RBFOX1: variants seen among roughly 807,000 people sequenced by gnomAD.
RBFOX1 encodes the protein RNA binding fox-1 homolog 1.
Under a neutral mutation model 57.7 loss-of-function variants are expected in RBFOX1, and 8 were observed. That is an observed-to-expected ratio of 0.14 (90% CI 0.08 to 0.25). The LOEUF (loss-of-function observed/expected upper bound fraction) is 0.25. Among genes scored for constraint, RBFOX1 ranks in the 10% least tolerant of loss-of-function variants. RBFOX1 has a pLI of 1.00. For missense variants in RBFOX1, 611 were observed against 548.5 expected, an observed-to-expected ratio of 1.11 and a Z score of -1.14; for synonymous variants, 326 against 222.4, an observed-to-expected ratio of 1.47 and a Z score of -4.15.
At position 6,839,736 on chromosome 16, in the gene RBFOX1, CTA is replaced by C. The variant is rs1303614938; in HGVS notation, c.-16+185089_-16+185090del. On this transcript the variant is annotated intron_variant, in intron 3 of 15. Transcript: ENST00000550418. The stretch of plus-strand genomic sequence containing the variant: ...CACGATTCTTCTTGTAATATGCAAA[CTA>C]TAGAAGAGAAAATTAAGCAGTTGAA... Among the ~76,000 whole-genome samples the C allele has an allele frequency of 2.6e-5, 4 of 152,184 alleles. No individual in the cohort carries two copies. The East Asian group carries it at 7.7e-4, about 29-fold the overall frequency.
intron 2 of RBFOX1, among the ~76,000 whole-genome samples, chr16:5,507,335 A>G (rs546158281): frequency 5.7e-4 from 87 of 152,206 alleles, no homozygotes; most frequent in Admixed American, 1.4e-3. Flanking sequence ...CCCAAGCAGA[A>G]TGCAAGCTCC....
At chr16:5,956,678 A>AT (rs34743228) in intron 4 of RBFOX1, among the ~76,000 whole-genome samples, 16 of 116,482 alleles carry the variant, frequency 1.4e-4, no homozygotes, top group African/African-American at 5.5e-4. Context: ...ATATATATAT[A>AT]TTTTTTTTGA....
At chr16:6,580,363 C>T (rs965509369) in intron 2 of RBFOX1, among the ~76,000 whole-genome samples, 3 of 152,166 alleles carry the variant, frequency 2.0e-5, no homozygotes. Context: ...GGAGTCATAA[C>T]ACACATTTGC....
intron 3 of RBFOX1, among the ~76,000 whole-genome samples, chr16:6,716,385 A>T (rs950004765): frequency 1.3e-5 from 2 of 152,124 alleles, no homozygotes; most frequent in African/African-American, 4.8e-5. Context: ...ATCTAACTGG[A>T]AGGCTGGAAG....
chr16:6,949,913 A>G (rs1187463127), intron 3 of RBFOX1, among the ~76,000 whole-genome samples: 1 of 150,710 alleles, frequency 6.6e-6, no homozygotes, highest in African/African-American at 2.5e-5. Context: ...TCCTCAGCGT[A>G]GGTAGCTCCT....
chr16:5,836,815 G>A (rs1340492429), intron 3 of RBFOX1, among the ~76,000 whole-genome samples: 2 of 152,174 alleles, frequency 1.3e-5, no homozygotes, highest in Non-Finnish European at 2.9e-5. Context: ...GCCTGAAGGG[G>A]AGAAGCACCC....
At chr16:7,615,234 G>C (rs964412559) in intron 10 of RBFOX1, among the ~76,000 whole-genome samples, 2 of 152,164 alleles carry the variant, frequency 1.3e-5, no homozygotes, top group African/African-American at 2.4e-5. Flanking sequence ...TGGGGAGGCT[G>C]AGGCAGGAGA....
intron 1 of RBFOX1, among the ~76,000 whole-genome samples, chr16:6,108,368 GA>G (rs768767025): frequency 4.6e-5 from 7 of 152,088 alleles, no homozygotes; most frequent in Non-Finnish European, 1.0e-4. Flanking sequence ...GTGAAATAGA[GA>G]TACTAACACT....
intron 3 of RBFOX1, among the ~76,000 whole-genome samples, chr16:6,943,091 C>A (rs948305469): frequency 6.6e-6 from 1 of 152,094 alleles, no homozygotes; most frequent in Admixed American, 6.5e-5. Context: ...CAGAGCAGGT[C>A]CCCAGGAGGG....
chr16:6,671,454 A>T (rs1353163896), intron 3 of RBFOX1, among the ~76,000 whole-genome samples: 1 of 152,206 alleles, frequency 6.6e-6, no homozygotes, highest in East Asian at 1.9e-4. Context: ...TTAATTTGAT[A>T]TTTGAACATT....
At chr16:7,431,622 G>T (rs2098681057) in intron 4 of RBFOX1, among the ~76,000 whole-genome samples, 1 of 152,174 alleles carries the variant, frequency 6.6e-6, no homozygotes, top group South Asian at 2.1e-4. Context: ...GATATTTAAT[G>T]CAACCGCCAT....
intron 4 of RBFOX1, among the ~76,000 whole-genome samples, chr16:7,161,768 C>G (rs893023031): frequency 6.6e-6 from 1 of 152,108 alleles, no homozygotes; most frequent in Non-Finnish European, 1.5e-5. Context: ...GAATACAAAC[C>G]AACATTTATA....
At chr16:6,272,744 C>T (rs2075339841) in intron 1 of RBFOX1, among the ~76,000 whole-genome samples, 1 of 152,116 alleles carries the variant, frequency 6.6e-6, no homozygotes, top group African/African-American at 2.4e-5. Context: ...CACATAGATC[C>T]ATTTTAAAAA....
chr16:7,399,198 A>T (rs2098194362), intron 4 of RBFOX1, among the ~76,000 whole-genome samples: 1 of 152,252 alleles, frequency 6.6e-6, no homozygotes, highest in Non-Finnish European at 1.5e-5. Context: ...CTGTTATCCC[A>T]ACATTTTGGG....
At chr16:6,737,823 C>G (rs1338385220) in intron 3 of RBFOX1, among the ~76,000 whole-genome samples, 1 of 152,022 alleles carries the variant, frequency 6.6e-6, no homozygotes, top group Non-Finnish European at 1.5e-5. Flanking sequence ...TAGTTAACTC[C>G]TTTTATTTGG....
chr16:5,956,345 A>G (rs1272505158), intron 4 of RBFOX1, among the ~76,000 whole-genome samples: 4 of 152,128 alleles, frequency 2.6e-5, no homozygotes, highest in African/African-American at 9.7e-5. Flanking sequence ...AACAATGAAT[A>G]AATTTTTAGT....
At chr16:7,115,702 C>T (rs1314839587) in intron 4 of RBFOX1, among the ~76,000 whole-genome samples, 8 of 152,170 alleles carry the variant, frequency 5.3e-5, no homozygotes, top group African/African-American at 1.2e-4. Flanking sequence ...AGAATCCAGT[C>T]GCTTTTATTG....
intron 4 of RBFOX1, among the ~76,000 whole-genome samples, chr16:7,055,396 G>T (rs559535439): frequency 2.3e-4 from 35 of 152,240 alleles, no homozygotes; most frequent in African/African-American, 7.9e-4. Context: ...CCCAGTTCCA[G>T]GGTTGATTCA....
chr16:5,282,953 A>G (rs750186895), intron 1 of RBFOX1, among the ~76,000 whole-genome samples: 2 of 152,112 alleles, frequency 1.3e-5, no homozygotes, highest in Non-Finnish European at 2.9e-5. Context: ...CCACCCATCA[A>G]AGGCCCAGAG....
Sources: allele counts gnomAD v4.1 joint callset (sites outside exome capture counted in the v4.1 genomes callset), GRCh38; gene constraint gnomAD v4.1.1; transcripts MANE v1.5; gene names NCBI Gene and HGNC (gene_info 2026-07-23, HGNC 2026-07-21).